The following LANCL2 variants were observed in gnomAD, a reference collection of about 807,000 sequenced individuals.
The protein encoded by LANCL2 is lanC-like protein 2.
In LANCL2, 33 loss-of-function variants were observed where a neutral mutation model predicts 56.9. That is an observed-to-expected ratio of 0.58 (90% CI 0.44 to 0.78). The LOEUF is 0.78. Among genes scored for constraint, LANCL2 ranks in the 30% least tolerant of loss-of-function variants. LANCL2 has a pLI of 0.00. For missense variants in LANCL2, 562 were observed against 580.2 expected (o/e 0.97, Z 0.32); for synonymous variants, 233 against 228.2 (o/e 1.02, Z -0.19).
rs773224428 is a variant in LANCL2, at chr7:55,425,237, G to A, written c.1009-17G>A. On this transcript the variant is annotated splice_polypyrimidine_tract_variant and intron_variant, in intron 6 of 8. Transcript: ENST00000254770. Reference sequence around the variant, plus strand: ...GAAACTGTCTTTTTAACACTGCTTTGTTTTTAATTTGCCCAGGTCTTTAAG... The same window carrying A: ...GAAACTGTCTTTTTAACACTGCTTTATTTTTAATTTGCCCAGGTCTTTAAG... 90 of 1,610,148 alleles carry A rather than the reference G, an allele frequency of 5.6e-5. No homozygotes were observed. In the South Asian group the frequency reaches 8.4e-4, roughly 15 times the overall value.
intron 6 of LANCL2, among the ~76,000 whole-genome samples, chr7:55,412,372 CTAA>C (rs60150179): frequency 6.2e-4 from 95 of 152,286 alleles, no homozygotes; most frequent in African/African-American, 2.1e-3. Flanking sequence ...GATTTTCATT[CTAA>C]TGAGTATGGA....
At chr7:55,393,892 A>C (rs1438974001) in intron 2 of LANCL2, among the ~76,000 whole-genome samples, 2 of 152,246 alleles carry the variant, frequency 1.3e-5, no homozygotes, top group Non-Finnish European at 2.9e-5. Context: ...AAATACAAAG[A>C]ATAAGGATAT....
At chr7:55,372,472 T>C (rs1025551043) in intron 1 of LANCL2, among the ~76,000 whole-genome samples, 1 of 152,228 alleles carries the variant, frequency 6.6e-6, no homozygotes, top group African/African-American at 2.4e-5. Context: ...TATAACATAG[T>C]TGTAATATAA....
At chr7:55,428,768 T>G (rs1459905207) in intron 8 of LANCL2, among the ~76,000 whole-genome samples, 1 of 152,218 alleles carries the variant, frequency 6.6e-6, no homozygotes, top group African/African-American at 2.4e-5. Flanking sequence ...ATATTTAATA[T>G]TGGTGTATTC....
intron 1 of LANCL2, among the ~76,000 whole-genome samples, chr7:55,368,147 G>A (rs1313348428): frequency 6.6e-6 from 1 of 152,226 alleles, no homozygotes; most frequent in Non-Finnish European, 1.5e-5. Flanking sequence ...AATAATGTTA[G>A]AGACATGGGA....
intron 1 of LANCL2, among the ~76,000 whole-genome samples, chr7:55,376,477 A>T (rs1790004047): frequency 6.6e-6 from 1 of 152,124 alleles, no homozygotes. Context: ...GTACTCCCTC[A>T]TCAAAGAAAG....
In LANCL2 at chr7:55,416,969, G is replaced by GTTTT. The variant is rs869116156; in HGVS notation, c.1008+4904_1008+4907dup. Among the ~76,000 whole-genome samples the GTTTT allele has an allele frequency of 1.5e-3, 123 of 81,646 alleles. 8 individuals are homozygous for GTTTT. Among genetic ancestry groups the GTTTT allele is most frequent in the Non-Finnish European group, 2.5e-3 (107 of 42,102 alleles). The allele number at this position is 81,646 out of a possible 152,430, so 53.6% of individuals were successfully genotyped here. On this transcript the variant is annotated intron_variant, in intron 6 of 8. Transcript: ENST00000254770. ...ATTACATGAGGTAACAAACGAGGTG[G>GTTTT]TTTTTTTTTTTTTTTTTTTTTTTTT...
Position 55,401,169 on chromosome 7 carries a change from T to C in LANCL2, c.679-5T>C. ...TAGATTTATGCTGTCTTGTTATCTC[T>C]GTAGGTAGTCAATGCTATTATTGAA... is the stretch of plus-strand genomic sequence containing the variant. On this transcript the variant is annotated splice_region_variant and splice_polypyrimidine_tract_variant and intron_variant, in intron 4 of 8. Coordinates refer to ENST00000254770, the MANE Select transcript of LANCL2 (RefSeq NM_018697.4). 1.9e-6 allele frequency: 3 copies of C among 1,613,692 alleles called. No individual in the cohort carries two copies. Among genetic ancestry groups the C allele is most frequent in the Non-Finnish European group, 2.5e-6 (3 of 1,179,604 alleles).
chr7:55,424,278 G>A (rs3807360), intron 6 of LANCL2, among the ~76,000 whole-genome samples: 23,627 of 152,200 alleles, frequency 0.16, 2,032 homozygotes, highest in Middle Eastern at 0.27. Flanking sequence ...GCTTCTTGCC[G>A]TCTCTTGCCT....
chr7:55,399,151 T>C (rs181134074), intron 3 of LANCL2, among the ~76,000 whole-genome samples: 52 of 152,212 alleles, frequency 3.4e-4, no homozygotes, highest in Admixed American at 3.1e-3. Flanking sequence ...CATGTGCTTG[T>C]AGTTCCATTA....
intron 1 of LANCL2, among the ~76,000 whole-genome samples, chr7:55,370,429 C>G (rs1789930250): frequency 6.6e-6 from 1 of 152,124 alleles, no homozygotes; most frequent in South Asian, 2.1e-4. Context: ...GCATAAATAC[C>G]ATGAACTGTA....
intron 4 of LANCL2, among the ~76,000 whole-genome samples, chr7:55,400,368 C>T (rs1170759091): frequency 2.0e-5 from 3 of 152,190 alleles, no homozygotes; most frequent in Admixed American, 6.5e-5. Context: ...ATTTATCTTT[C>T]GTGAGATGTC....
chr7:55,425,209 G>A lies in LANCL2; in HGVS notation c.1009-45G>A, dbSNP rs199914095. ...AGGGAAAGTATTTTGCCAACTCATC[G>A]TTGAAACTGTCTTTTTAACACTGCT... On this transcript the variant is annotated intron_variant, in intron 6 of 8. Coordinates refer to ENST00000254770, the MANE Select transcript of LANCL2 (RefSeq NM_018697.4). The A allele has an allele frequency of 2.9e-5, 46 of 1,587,706 alleles. 2 individuals carry two copies. Among genetic ancestry groups the A allele is most frequent in the South Asian group, 2.8e-4 (25 of 88,622 alleles).
intron 5 of LANCL2, among the ~76,000 whole-genome samples, chr7:55,408,857 C>T (rs926686010): frequency 1.3e-5 from 2 of 150,670 alleles, no homozygotes; most frequent in Non-Finnish European, 3.0e-5. Flanking sequence ...TGGCATGCGC[C>T]TGTAGTCCCA....
chr7:55,424,817 G>C (rs1790645511), intron 6 of LANCL2, among the ~76,000 whole-genome samples: 1 of 152,224 alleles, frequency 6.6e-6, no homozygotes, highest in Non-Finnish European at 1.5e-5. Flanking sequence ...TTGCATTACT[G>C]TCTGAGCTCT....
chr7:55,421,174 A>G (rs1163440872), intron 6 of LANCL2, among the ~76,000 whole-genome samples: 1 of 151,936 alleles, frequency 6.6e-6, no homozygotes, highest in Non-Finnish European at 1.5e-5. Flanking sequence ...ATATATATTT[A>G]ATGTAATTAT....
intron 1 of LANCL2, among the ~76,000 whole-genome samples, chr7:55,385,260 G>A (rs1035722155): frequency 1.3e-5 from 2 of 152,180 alleles, no homozygotes; most frequent in African/African-American, 4.8e-5. Flanking sequence ...GGCTGGTGGT[G>A]TGGGGGTGCA....
intron 6 of LANCL2, among the ~76,000 whole-genome samples, chr7:55,413,242 A>G (rs1298834656): frequency 2.0e-5 from 3 of 152,222 alleles, no homozygotes; most frequent in African/African-American, 7.2e-5. Context: ...TGGAGCAGTT[A>G]TAACTTCAGT....
At chr7:55,426,934 G>A (rs1351599969) in intron 7 of LANCL2, among the ~76,000 whole-genome samples, 2 of 152,212 alleles carry the variant, frequency 1.3e-5, no homozygotes, top group Admixed American at 1.3e-4. Flanking sequence ...GGGGTGAGAC[G>A]CAGCCGGTTC....
Sources: allele counts gnomAD v4.1 joint callset (sites outside exome capture counted in the v4.1 genomes callset), GRCh38; gene constraint gnomAD v4.1.1; transcripts MANE v1.5; gene names NCBI Gene and HGNC (gene_info 2026-07-23, HGNC 2026-07-21).